The following SMARCA2 variants were observed in gnomAD, a reference collection of about 807,000 sequenced individuals.
The protein encoded by SMARCA2 is SWI/SNF-related matrix-associated actin-dependent regulator of chromatin subfamily A member 2.
In SMARCA2, 61 loss-of-function variants were observed where a neutral mutation model predicts 199.8. The ratio of observed to expected loss-of-function variants is 0.31; its 90% CI spans 0.25 to 0.38. The LOEUF (loss-of-function observed/expected upper bound fraction) is 0.38, where lower values mean the gene tolerates loss of function less well. Ranked by LOEUF, SMARCA2 falls within the 10% of genes least tolerant of loss-of-function variation. The pLI is 1.00. For synonymous variants in SMARCA2, 935 were observed against 732.0 expected (o/e 1.28, Z -4.48); for missense variants, 1,344 against 2,012.2 (o/e 0.67, Z 6.35).
intron 21 of SMARCA2, among the ~76,000 whole-genome samples, chr9:2,101,084 C>T (rs1822492597): frequency 6.6e-6 from 1 of 152,048 alleles, no homozygotes; most frequent in South Asian, 2.1e-4. Flanking sequence ...CCCCAGGGTC[C>T]CACCCACAAC....
intron 9 of SMARCA2, among the ~76,000 whole-genome samples, chr9:2,063,858 G>T (rs912079954): frequency 6.6e-6 from 1 of 151,714 alleles, no homozygotes; most frequent in East Asian, 1.9e-4. Context: ...TTATGACCTT[G>T]TTTAATTTTC....
chr9:2,072,455 A>G (rs1366542576), intron 10 of SMARCA2, among the ~76,000 whole-genome samples: 1 of 152,224 alleles, frequency 6.6e-6, no homozygotes, highest in Admixed American at 6.5e-5. Context: ...TCAGAGGAGC[A>G]GAGCTTTTTT....
chr9:2,158,733 TA>T (rs1825508173), intron 27 of SMARCA2: 2 of 435,132 alleles, frequency 4.6e-6, no homozygotes, highest in Admixed American at 8.4e-5. Flanking sequence ...TTTTTTAAAA[TA>T]AAAGAACAGT....
At chr9:2,134,070 A>G (rs997987285) in intron 27 of SMARCA2, among the ~76,000 whole-genome samples, 3 of 152,218 alleles carry the variant, frequency 2.0e-5, no homozygotes, top group African/African-American at 4.8e-5. Context: ...GGACTCAGAA[A>G]TACGTATTAG....
At chr9:2,142,189 C>T (rs1824495656) in intron 27 of SMARCA2, among the ~76,000 whole-genome samples, 1 of 152,188 alleles carries the variant, frequency 6.6e-6, no homozygotes, top group Non-Finnish European at 1.5e-5. Context: ...TGCTCCTCGT[C>T]TTGGGTGACA....
intron 27 of SMARCA2, among the ~76,000 whole-genome samples, chr9:2,153,940 C>G (rs1825208299): frequency 6.6e-6 from 1 of 152,146 alleles, no homozygotes; most frequent in Admixed American, 6.5e-5. Flanking sequence ...CTAAGCCTGG[C>G]AAGTATAACT....
Position 2,074,680 on chromosome 9 carries a change from A to G in SMARCA2, c.1935+1057A>G, listed in dbSNP as rs1393010294. On this transcript the variant is annotated intron_variant, in intron 12 of 33. Transcript: ENST00000349721. The stretch of plus-strand genomic sequence containing the variant: ...CCAGGAGTTCGAGACCAGCCTGGGC[A>G]ACATGGTGAAACCCCATTTCTACAA... Among the ~76,000 whole-genome samples, 3 of 152,188 alleles carry G rather than the reference A, an allele frequency of 2.0e-5. 1 individual carries two copies. In the East Asian group the frequency reaches 5.8e-4, roughly 29 times the overall value.
rs73377053 is a variant in SMARCA2 at position 2,019,713 on chromosome 9, A to G, written c.-37+4309A>G. ...AAAAGGTAATTGTGATGCTCCTTAT[A>G]TTGTTGTAATATTTTGACATTTATT... On this transcript the variant is annotated intron_variant, in intron 1 of 33. Coordinates refer to ENST00000349721, the MANE Select transcript of SMARCA2 (RefSeq NM_003070.5). Among the ~76,000 whole-genome samples the G allele has an allele frequency of 1.9e-3, 295 of 152,254 alleles. 2 individuals are homozygous for G. The highest frequency in any genetic ancestry group is 6.3e-3 in the African/African-American group (263 of 41,560).
chr9:2,100,998 C>A (rs1193995347), intron 21 of SMARCA2, among the ~76,000 whole-genome samples: 1 of 151,998 alleles, frequency 6.6e-6, no homozygotes. Flanking sequence ...CCTTACAAAG[C>A]CACGAGATCT....
At chr9:2,138,831 G>A (rs759590279) in intron 27 of SMARCA2, among the ~76,000 whole-genome samples, 29 of 152,160 alleles carry the variant, frequency 1.9e-4, no homozygotes, top group Non-Finnish European at 3.7e-4. Context: ...AAAGAACCAT[G>A]TGGGTTTGCC....
At chr9:2,183,686 C>A (rs1827219172) in intron 31 of SMARCA2, among the ~76,000 whole-genome samples, 1 of 152,100 alleles carries the variant, frequency 6.6e-6, no homozygotes, top group Non-Finnish European at 1.5e-5. Flanking sequence ...TAAACATTTC[C>A]AAGTTAATAG....
At chr9:2,124,508 A>G (rs575750917) in intron 27 of SMARCA2, among the ~76,000 whole-genome samples, 24 of 152,312 alleles carry the variant, frequency 1.6e-4, no homozygotes, top group Non-Finnish European at 3.1e-4. Flanking sequence ...GAGAGGTGAC[A>G]TGGCTATGCA....
At chr9:2,040,149 T>A in intron 4 of SMARCA2, 1 of 759,242 alleles carries the variant, frequency 1.3e-6, no homozygotes, top group South Asian at 2.0e-5. Context: ...AAAAAGCACC[T>A]GTGATTTTGC....
Position 2,088,479 on chromosome 9 carries a change from CATA to C in SMARCA2, c.2770-16_2770-14del. 1 of 1,556,888 alleles carries C rather than the reference CATA, an allele frequency of 6.4e-7. No homozygotes were observed. The highest frequency in any genetic ancestry group is 8.6e-7 in the Non-Finnish European group (1 of 1,162,052). On this transcript the variant is annotated intron_variant, in intron 18 of 33. Transcript: ENST00000349721. The stretch of plus-strand genomic sequence containing the variant: ...ATCCTTTTCTTTAAAAAATCAAATT[CATA>C]ATAAGCCTCTCTTACAGGTGGACTT...
intron 19 of SMARCA2, among the ~76,000 whole-genome samples, chr9:2,093,384 A>G (rs1822143628): frequency 6.6e-6 from 1 of 152,188 alleles, no homozygotes; most frequent in Non-Finnish European, 1.5e-5. Flanking sequence ...ACCGGTACCT[A>G]TGTGGTAGGT....
chr9:2,044,423 C>G (rs1015198019), intron 4 of SMARCA2: 1 of 152,144 alleles, frequency 6.6e-6, no homozygotes, highest in African/African-American at 2.4e-5. Context: ...AAGAGTACTC[C>G]CAAAGTTGCC....
intron 4 of SMARCA2, chr9:2,040,837 T>C (rs1438667018): frequency 1.3e-5 from 2 of 152,330 alleles, no homozygotes; most frequent in African/African-American, 4.8e-5. Flanking sequence ...ATCCCATTGA[T>C]AGACTTCAGA....
Position 2,169,392 on chromosome 9 carries a change from C to G in SMARCA2, c.4200-1027C>G, listed in dbSNP as rs1826117116. On this transcript the variant is annotated intron_variant, in intron 28 of 33. Coordinates refer to ENST00000349721, the MANE Select transcript of SMARCA2 (RefSeq NM_003070.5). This position sits in a 1 kb window ranked among gnomAD's most constrained non-coding sequence, Gnocchi z 6.5. ...AGCGTAGGAGAATTGTTATCTTCCACAGTCTGAACCTTCGGATCTTCCCAA... is the reference window on the plus strand; with the variant it reads ...AGCGTAGGAGAATTGTTATCTTCCAGAGTCTGAACCTTCGGATCTTCCCAA... Among the ~76,000 whole-genome samples, 1 of 152,168 alleles carries G rather than the reference C, an allele frequency of 6.6e-6. No individual in the cohort carries two copies. Among genetic ancestry groups the G allele is most frequent in the African/African-American group, 2.4e-5 (1 of 41,400 alleles).
intron 25 of SMARCA2, among the ~76,000 whole-genome samples, chr9:2,116,774 G>A (rs942466911): frequency 2.6e-5 from 4 of 152,174 alleles, no homozygotes; most frequent in Non-Finnish European, 5.9e-5. Context: ...TTAAACGTAT[G>A]TATATAGTGT....
Sources: gnomAD v4.1 joint callset for allele counts (sites outside exome capture counted in the v4.1 genomes callset) on GRCh38, gnomAD v4.1.1 for gene constraint, Gnocchi (gnomAD v3.1) non-coding constraint, MANE v1.5 for transcripts, NCBI Gene and HGNC (gene_info 2026-07-23, HGNC 2026-07-21) for gene names.